SUFU: variants seen among roughly 807,000 people sequenced by gnomAD.
SUFU encodes the protein suppressor of fused homolog.
Under a neutral mutation model 58.9 loss-of-function variants are expected in SUFU, and 7 were observed. That is an observed-to-expected ratio of 0.12 (90% CI 0.07 to 0.22). The LOEUF (loss-of-function observed/expected upper bound fraction) is 0.22. SUFU is among the 10% of genes least tolerant of loss of function. The probability of loss-of-function intolerance (pLI) is 1.00; values close to 1 mark genes in which losing one functional copy is unlikely to be tolerated. For missense variants in SUFU, 451 were observed against 641.3 expected (o/e 0.70, Z 3.20); for synonymous variants, 232 against 254.8 (o/e 0.91, Z 0.85).
chr10:102,620,099 G>A (rs1196045689), intron 10 of SUFU, among the ~76,000 whole-genome samples: 1 of 152,180 alleles, frequency 6.6e-6, no homozygotes, highest in East Asian at 1.9e-4. Context: ...GACATGACGA[G>A]ACCCAGTCTT....
intron 8 of SUFU, among the ~76,000 whole-genome samples, chr10:102,601,124 C>G (rs1173505578): frequency 6.6e-6 from 1 of 152,204 alleles, no homozygotes; most frequent in Non-Finnish European, 1.5e-5. Context: ...CCAGATGGCT[C>G]TCTGCCTCTG....
rs772134912 is a variant in SUFU, at chr10:102,617,525, T to TG, written c.1296+103dup. 1.9e-6 allele frequency: 3 copies of TG among 1,555,006 alleles called. No individual in the cohort carries two copies. In the African/African-American group the frequency reaches 4.1e-5, roughly 21 times the overall value. On this transcript the variant is annotated intron_variant, in intron 10 of 11. Transcript: ENST00000369902. The surrounding 1 kb of genome is among the most constrained non-coding windows in gnomAD (Gnocchi z 4.4). ...GGCAGCTCTTGATGGCACCCCTTCC[T>TG]GGGGGGCTGGTCATGAATGCCTCAT... is the stretch of plus-strand genomic sequence containing the variant.
intron 3 of SUFU, among the ~76,000 whole-genome samples, chr10:102,555,140 C>T (rs541655299): frequency 1.3e-4 from 20 of 151,920 alleles, no homozygotes; most frequent in Admixed American, 9.8e-4. Flanking sequence ...TGGTGGTGGG[C>T]GCCTGTGGTC....
intron 2 of SUFU, among the ~76,000 whole-genome samples, chr10:102,539,246 G>A (rs190047117): frequency 5.1e-4 from 77 of 152,292 alleles, no homozygotes; most frequent in African/African-American, 1.9e-3. Flanking sequence ...CTTTTGAAGA[G>A]TACAGGTCAG....
intron 2 of SUFU, among the ~76,000 whole-genome samples, chr10:102,541,721 T>TC (rs2062802704): frequency 8.1e-5 from 11 of 135,538 alleles, no homozygotes; most frequent in Non-Finnish European, 1.3e-4. Context: ...TTTTTTTTTT[T>TC]CCTTTTGAGA....
At chr10:102,505,200 A>C (rs1423329235) in intron 1 of SUFU, among the ~76,000 whole-genome samples, 1 of 152,190 alleles carries the variant, frequency 6.6e-6, no homozygotes, top group African/African-American at 2.4e-5. Flanking sequence ...CATGGCCTGC[A>C]GTTTCTCCGG....
intron 2 of SUFU, among the ~76,000 whole-genome samples, chr10:102,532,190 A>G (rs994937497): frequency 6.6e-6 from 1 of 151,752 alleles, no homozygotes; most frequent in Non-Finnish European, 1.5e-5. Flanking sequence ...CTGGTCTGGA[A>G]CTCCTGACCC....
At chr10:102,615,532 C>T (rs2063677330) in intron 9 of SUFU, 130 bp downstream of exon 9, 1 of 1,358,968 alleles carries the variant, frequency 7.4e-7, no homozygotes, top group Non-Finnish European at 1.0e-6. Context: ...GCCACCAGGC[C>T]CGTGCTTCCC....
At chr10:102,578,428 A>G (rs987705785) in intron 3 of SUFU, among the ~76,000 whole-genome samples, 1 of 151,616 alleles carries the variant, frequency 6.6e-6, no homozygotes. Context: ...AAATACAAAA[A>G]TTAGTCTGGG....
intron 2 of SUFU, among the ~76,000 whole-genome samples, chr10:102,545,238 C>A (rs2062842270): frequency 6.6e-6 from 1 of 151,840 alleles, no homozygotes; most frequent in South Asian, 2.1e-4. Context: ...TCAGCACCCC[C>A]ACCCTGGGTA....
chr10:102,586,377 T>A (rs1448922464), intron 3 of SUFU, among the ~76,000 whole-genome samples: 3 of 152,128 alleles, frequency 2.0e-5, no homozygotes, highest in African/African-American at 7.2e-5. Flanking sequence ...GTTTTTTCTT[T>A]TAAAATGTGA....
At chr10:102,504,563 A>T (rs939688679) in intron 1 of SUFU, among the ~76,000 whole-genome samples, 1 of 143,072 alleles carries the variant, frequency 7.0e-6, no homozygotes, top group Non-Finnish European at 1.5e-5. Context: ...AGGAGAATAG[A>T]GTGAGGACTG....
At chr10:102,588,208 A>G (rs1224187332) in intron 3 of SUFU, among the ~76,000 whole-genome samples, 2 of 152,120 alleles carry the variant, frequency 1.3e-5, no homozygotes, top group Non-Finnish European at 2.9e-5. Flanking sequence ...CCTGGCTAAC[A>G]TGGTGAAACC....
At chr10:102,624,818 A>T (rs562336370) in intron 10 of SUFU, among the ~76,000 whole-genome samples, 2 of 152,292 alleles carry the variant, frequency 1.3e-5, no homozygotes, top group East Asian at 3.9e-4. Context: ...CTGGCGTCTC[A>T]CTGGGTGGCC....
In SUFU at chr10:102,592,721, C is replaced by A; in HGVS notation, c.594C>A (p.Leu198=). ...CACCCTTTGGGGTAGTTACCTTCCT[C>A]CAGGTGAGGCACAGGTTGGACGCTG... ...VQTPFGVVTF[L]QIVGVCTEEL... The change falls in exon 4 of 12, where the codon CTC becomes CTA. Residue 198 remains leucine, a synonymous_variant. Transcript: ENST00000369902. 6.2e-7 allele frequency: 1 copy of A among 1,614,014 alleles called. No individual in the cohort carries two copies. Among genetic ancestry groups the A allele is most frequent in the South Asian group, 1.1e-5 (1 of 91,078 alleles).
Position 102,549,873 on chromosome 10 carries a change from T to C in SUFU, c.318-97T>C, listed in dbSNP as rs543337936. On this transcript the variant is annotated intron_variant, in intron 2 of 11. Transcript: ENST00000369902. ...TCCTCTGAATGGAGGATTTGGATAC[T>C]GAGGCCACCATAAAAAGGGGGAGAA... The C allele has an allele frequency of 1.7e-5, 26 of 1,497,290 alleles. No homozygotes were observed. The South Asian group carries it at 2.5e-4, about 14-fold the overall frequency. 92.8% of individuals were successfully genotyped at this position (1,497,290 alleles called of 1,614,324 possible). A position where few individuals can be genotyped will look rare whatever the true frequency, so the allele number is the denominator to read the frequency against.
chr10:102,593,669 G>A lies in SUFU; in HGVS notation c.631G>A (p.Ala211Thr), dbSNP rs2135870536. The change falls in exon 5 of 12, where the codon GCC (alanine) becomes ACC (threonine). Residue 211 changes from alanine (A) to threonine (T), a missense_variant. Transcript: ENST00000369902. ...TGTCTGCACTGAAGAGCTACACTCA[G>A]CCCAGCAGTGGAACGGGCAGGGCAT... is the stretch of plus-strand genomic sequence containing the variant. ...VGVCTEELHS[A>T]QQWNGQGILE... 1.9e-6 allele frequency: 3 copies of A among 1,614,226 alleles called. No individual in the cohort carries two copies. Among genetic ancestry groups the A allele is most frequent in the Non-Finnish European group, 2.5e-6 (3 of 1,180,038 alleles).
chr10:102,504,002 C>T lies in SUFU; in HGVS notation c.-151C>T. The T allele has an allele frequency of 2.7e-6, 3 of 1,130,064 alleles. No individual in the cohort carries two copies. Among genetic ancestry groups the T allele is most frequent in the Non-Finnish European group, 3.5e-6 (3 of 849,814 alleles). 70.0% of individuals were successfully genotyped at this position (1,130,064 alleles called of 1,614,324 possible). A position where few individuals can be genotyped will look rare whatever the true frequency, so the allele number is the denominator to read the frequency against. ...CGGCGGCGGCGACAGCCTGGGCGGA[C>T]AGTGCGCCGTGCGCAGGCGCGGAGC... On this transcript the variant is annotated 5_prime_UTR_variant, in exon 1 of 12. Coordinates refer to ENST00000369902, the MANE Select transcript of SUFU (RefSeq NM_016169.4).
At chr10:102,517,788 C>A (rs1200445289) in intron 2 of SUFU, among the ~76,000 whole-genome samples, 1 of 152,222 alleles carries the variant, frequency 6.6e-6, no homozygotes, top group Admixed American at 6.5e-5. Context: ...GTCCAACTAA[C>A]TTTGCAGCTT....
Sources: allele counts gnomAD v4.1 joint callset (sites outside exome capture counted in the v4.1 genomes callset), GRCh38; gene constraint gnomAD v4.1.1; non-coding constraint Gnocchi (gnomAD v3.1); transcripts MANE v1.5; gene names NCBI Gene and HGNC (gene_info 2026-07-23, HGNC 2026-07-21).